TMEM178B: variants seen among roughly 807,000 people sequenced by gnomAD.
The protein encoded by TMEM178B is transmembrane protein 178B.
In TMEM178B, 5 loss-of-function variants were observed where a neutral mutation model predicts 31.0. The ratio of observed to expected loss-of-function variants is 0.16; its 90% CI spans 0.08 to 0.34. The LOEUF is 0.34. Ranked by LOEUF, TMEM178B falls within the 10% of genes least tolerant of loss-of-function variation. The probability of loss-of-function intolerance (pLI) is 1.00; values close to 1 mark genes in which losing one functional copy is unlikely to be tolerated. For missense variants in TMEM178B, 275 were observed against 400.3 expected (o/e 0.69, Z 2.67); for synonymous variants, 164 against 164.0 (o/e 1.00, Z 0.00).
In TMEM178B at chr7:141,471,811, T is replaced by C. The variant is rs1454117918; in HGVS notation, c.*1025T>C. Reference sequence around the variant, plus strand: ...GTGTGTGTGTGTGTGTGTGTGTGTGTGTGTGTGGTGGATGTTTCTTGAGCG... The same window carrying C: ...GTGTGTGTGTGTGTGTGTGTGTGTGCGTGTGTGGTGGATGTTTCTTGAGCG... On this transcript the variant is annotated 3_prime_UTR_variant, in exon 4 of 4. Coordinates refer to ENST00000565468, the MANE Select transcript of TMEM178B (RefSeq NM_001195278.2). This position sits in a 1 kb window ranked among gnomAD's most constrained non-coding sequence, Gnocchi z 4.1. 1 of 149,210 alleles carries C rather than the reference T, an allele frequency of 6.7e-6. No individual in the cohort carries two copies. The highest frequency in any genetic ancestry group is 2.6e-5 in the African/African-American group (1 of 38,978). The allele number at this position is 149,210 out of a possible 1,614,324, so 9.2% of individuals were successfully genotyped here.
chr7:141,294,459 A>G (rs1290649873), intron 2 of TMEM178B, among the ~76,000 whole-genome samples: 1 of 152,240 alleles, frequency 6.6e-6, no homozygotes, highest in Non-Finnish European at 1.5e-5. Flanking sequence ...GACTATGTAC[A>G]TAAAGATGCT....
At chr7:141,226,222 G>T (rs188166869) in intron 2 of TMEM178B, among the ~76,000 whole-genome samples, 1 of 146,392 alleles carries the variant, frequency 6.8e-6, no homozygotes, top group Non-Finnish European at 1.5e-5. Flanking sequence ...CACCCTCTTG[G>T]GGGGAGGGTG....
intron 2 of TMEM178B, among the ~76,000 whole-genome samples, chr7:141,314,190 T>C (rs1240218399): frequency 6.6e-6 from 1 of 152,218 alleles, no homozygotes; most frequent in African/African-American, 2.4e-5. Flanking sequence ...GTTTAACCCC[T>C]GCCAACTGGA....
chr7:141,471,805 TGTG>T lies in TMEM178B; in HGVS notation c.*1020_*1022del, dbSNP rs1338941160. The T allele has an allele frequency of 1.4e-5, 2 of 146,610 alleles. No homozygotes were observed. Among genetic ancestry groups the T allele is most frequent in the African/African-American group, 2.8e-5 (1 of 36,266 alleles). The allele number at this position is 146,610 out of a possible 1,614,324, so 9.1% of individuals were successfully genotyped here. A position where few individuals can be genotyped will look rare whatever the true frequency, so the allele number is the denominator to read the frequency against. On this transcript the variant is annotated 3_prime_UTR_variant, in exon 4 of 4. Transcript: ENST00000565468. The surrounding 1 kb of genome is among the most constrained non-coding windows in gnomAD (Gnocchi z 4.1). ...GCGTGTGTGTGTGTGTGTGTGTGTG[TGTG>T]TGTGTGTGTGGTGGATGTTTCTTGA...
intron 2 of TMEM178B, among the ~76,000 whole-genome samples, chr7:141,428,215 A>T (rs1801355602): frequency 6.6e-6 from 1 of 151,990 alleles, no homozygotes; most frequent in African/African-American, 2.4e-5. Context: ...AATACAAAAA[A>T]AAATTAGCTG....
chr7:141,307,207 G>A (rs1378380047), intron 2 of TMEM178B, among the ~76,000 whole-genome samples: 1 of 152,098 alleles, frequency 6.6e-6, no homozygotes, highest in Non-Finnish European at 1.5e-5. Flanking sequence ...TGCTTGGACT[G>A]TAACCAAGTT....
chr7:141,075,390 GA>G (rs906092854), intron 1 of TMEM178B, among the ~76,000 whole-genome samples: 13 of 151,700 alleles, frequency 8.6e-5, no homozygotes, highest in East Asian at 7.7e-4. Flanking sequence ...GCATGTCAGA[GA>G]AAAAAAATAA....
intron 2 of TMEM178B, among the ~76,000 whole-genome samples, chr7:141,292,942 CTTCTTTTTATTGAA>C (rs201696208): frequency 0.02 from 2,999 of 152,168 alleles, 44 homozygotes; most frequent in Non-Finnish European, 0.033. Context: ...CCGGCCAGAT[CTTCTTTTTATTGAA>C]TTCTCTGACT....
rs114670496 is a variant in TMEM178B, at chr7:141,114,221, T to G, written c.382+39529T>G. On this transcript the variant is annotated intron_variant, in intron 1 of 3. Transcript: ENST00000565468. ...CATCTCTGTGTCCTGTCTCACATCC[T>G]CTTTGTCCATCTTGTACTCTGATCA... Among the ~76,000 whole-genome samples the G allele has an allele frequency of 4.2e-3, 633 of 152,396 alleles. 7 individuals are homozygous for G. Among genetic ancestry groups the G allele is most frequent in the African/African-American group, 0.014 (602 of 41,600 alleles).
intron 2 of TMEM178B, among the ~76,000 whole-genome samples, chr7:141,355,530 A>C (rs994501953): frequency 6.6e-6 from 1 of 152,204 alleles, no homozygotes; most frequent in South Asian, 2.1e-4. Context: ...TATGTGCTGG[A>C]TAGGAAGGAC....
At position 141,324,479 on chromosome 7, in the gene TMEM178B, C is replaced by A. The variant is rs556887380; in HGVS notation, c.496+111775C>A. Among the ~76,000 whole-genome samples, 13 of 119,706 alleles carry A rather than the reference C, an allele frequency of 1.1e-4. No individual in the cohort carries two copies. In the Admixed American group the frequency reaches 1.2e-3, roughly 11 times the overall value. 78.5% of individuals were successfully genotyped at this position (119,706 alleles called of 152,430 possible). A position where few individuals can be genotyped will look rare whatever the true frequency, so the allele number is the denominator to read the frequency against. ...CCTGAGCGATTGAAAAATGCAGCTG[C>A]CATTAACTGAGATGGAGATAAGTGC... On this transcript the variant is annotated intron_variant, in intron 2 of 3. Transcript: ENST00000565468.
chr7:141,505,274 C>T, the TMEM178B span, among the ~76,000 whole-genome samples: 1 of 152,224 alleles, frequency 6.6e-6, no homozygotes, highest in Non-Finnish European at 1.5e-5. Flanking sequence ...AAGCATCCAC[C>T]ACTGTCGGGC....
At chr7:141,080,683 T>C (rs1794667885) in intron 1 of TMEM178B, among the ~76,000 whole-genome samples, 1 of 152,080 alleles carries the variant, frequency 6.6e-6, no homozygotes, top group African/African-American at 2.4e-5. Flanking sequence ...TAGCACAGGG[T>C]AATGGGCACC....
chr7:141,283,862 A>G (rs1311286534), intron 2 of TMEM178B, among the ~76,000 whole-genome samples: 1 of 152,220 alleles, frequency 6.6e-6, no homozygotes, highest in Non-Finnish European at 1.5e-5. Context: ...CTTATCTGGA[A>G]TGCTCCAGAA....
chr7:141,374,634 G>A (rs906861871), intron 2 of TMEM178B, among the ~76,000 whole-genome samples: 2 of 152,278 alleles, frequency 1.3e-5, no homozygotes, highest in South Asian at 2.1e-4. Context: ...GCCTCTTCCC[G>A]AGTGCTCTCG....
chr7:141,316,639 A>G (rs1031411205), intron 2 of TMEM178B, among the ~76,000 whole-genome samples: 2 of 152,168 alleles, frequency 1.3e-5, no homozygotes, highest in Admixed American at 6.5e-5. Flanking sequence ...GACATTTGCA[A>G]GTATCTATTG....
chr7:141,328,348 G>A (rs1799234648), intron 2 of TMEM178B, among the ~76,000 whole-genome samples: 3 of 152,188 alleles, frequency 2.0e-5, no homozygotes, highest in Admixed American at 2.0e-4. Flanking sequence ...TCTTCTGATA[G>A]GAAGAGAAAT....
In TMEM178B at chr7:141,181,067, A is replaced by G. The variant is rs1297470630; in HGVS notation, c.383-31524A>G. ...TGTGCCAAGTATGATAGTGAACTGCATAGGGTAGCATGGTAAGGATTCAAA... is the reference window on the plus strand; with the variant it reads ...TGTGCCAAGTATGATAGTGAACTGCGTAGGGTAGCATGGTAAGGATTCAAA... On this transcript the variant is annotated intron_variant, in intron 1 of 3. Transcript: ENST00000565468. Among the ~76,000 whole-genome samples the G allele has an allele frequency of 1.3e-5, 2 of 152,204 alleles. 1 individual carries two copies. Among genetic ancestry groups the G allele is most frequent in the South Asian group, 4.1e-4 (2 of 4,824 alleles).
chr7:141,138,909 G>A (rs1469812067), intron 1 of TMEM178B, among the ~76,000 whole-genome samples: 7 of 152,042 alleles, frequency 4.6e-5, no homozygotes, highest in South Asian at 2.1e-4. Context: ...GTGTGAACCC[G>A]GGAGGCAGAG....
Sources: allele counts gnomAD v4.1 joint callset (sites outside exome capture counted in the v4.1 genomes callset), GRCh38; gene constraint gnomAD v4.1.1; non-coding constraint Gnocchi (gnomAD v3.1); transcripts MANE v1.5; gene names NCBI Gene and HGNC (gene_info 2026-07-23, HGNC 2026-07-21).